The following SELENOF variants were observed in gnomAD, a reference collection of about 807,000 sequenced individuals.
SELENOF encodes selenoprotein F, also known as 15 kDa selenoprotein.
SELENOF carries 16 observed loss-of-function variants against 20.5 expected under a neutral mutation model. That is an observed-to-expected ratio of 0.78 (90% CI 0.53 to 1.19). The LOEUF is 1.19. Among genes scored for constraint, SELENOF ranks in the 50% most tolerant of loss-of-function variants. The probability of loss-of-function intolerance (pLI) is 0.00; values close to 1 mark genes in which losing one functional copy is unlikely to be tolerated. For synonymous variants in SELENOF, 78 were observed against 74.5 expected (o/e 1.05, Z -0.24); for missense variants, 215 against 194.2 (o/e 1.11, Z -0.64).
In SELENOF at chr1:86,862,532, A is replaced by G. The variant is rs1192231363; in HGVS notation, c.*942T>C. On this transcript the variant is annotated 3_prime_UTR_variant, in exon 5 of 5. Coordinates refer to ENST00000331835, the MANE Select transcript of SELENOF (RefSeq NM_004261.5). ...TATACCAATGAAAATGTGTTCATAAATGAAAAAACTTTGAAAAATAAAATC... is the reference window on the plus strand; with the variant it reads ...TATACCAATGAAAATGTGTTCATAAGTGAAAAAACTTTGAAAAATAAAATC... The G allele has an allele frequency of 1.3e-5, 2 of 152,196 alleles. No homozygotes were observed. The highest frequency in any genetic ancestry group is 4.8e-5 in the African/African-American group (2 of 41,466). The allele number at this position is 152,196 out of a possible 1,614,324, so 9.4% of individuals were successfully genotyped here. A position where few individuals can be genotyped will look rare whatever the true frequency, so the allele number is the denominator to read the frequency against.
At chr1:86,905,394 C>T (rs1659802562) in intron 1 of SELENOF, among the ~76,000 whole-genome samples, 1 of 152,096 alleles carries the variant, frequency 6.6e-6, no homozygotes. Flanking sequence ...GTTCTGTTTC[C>T]ACTTCTTCAC....
rs775466870 is a variant in SELENOF at position 86,914,063 on chromosome 1, C to G, written c.49G>C (p.Gly17Arg). ...ACAGTCGCCAACAACAACCGTAGCC[C>G]AAACGCCGGCACCAGACACCCACTC... ...GPSGCLVPAFGLRLLLATVLQ... is the reference protein window; with the variant it reads ...GPSGCLVPAFRLRLLLATVLQ... Residue 17 changes from glycine to arginine, a missense_variant, in exon 1 of 5, where the codon GGG becomes CGG. Gly to Arg is a moderately radical substitution (Grantham distance 125, BLOSUM62 -2). Coordinates refer to ENST00000331835, the MANE Select transcript of SELENOF (RefSeq NM_004261.5). 1 of 1,613,960 alleles carries G rather than the reference C, an allele frequency of 6.2e-7. No individual in the cohort carries two copies. The highest frequency in any genetic ancestry group is 1.3e-5 in the African/African-American group (1 of 75,028).
At chr1:86,879,687 C>T (rs1408134150) in intron 3 of SELENOF, among the ~76,000 whole-genome samples, 3 of 152,166 alleles carry the variant, frequency 2.0e-5, no homozygotes, top group South Asian at 2.1e-4. Context: ...AGAGAGAAAG[C>T]GTTATTACCT....
At position 86,894,839 on chromosome 1, in the gene SELENOF, A is replaced by AAAC. The variant is rs371203807; in HGVS notation, c.252+8439_252+8441dup. On this transcript the variant is annotated intron_variant, in intron 2 of 4. Transcript: ENST00000331835. ...GTGACAGAGGGAAACCCTATCTCTA[A>AAAC]AACAACAACAACAACAACAACAACA... Among the ~76,000 whole-genome samples the AAAC allele has an allele frequency of 2.7e-3, 407 of 151,956 alleles. 1 individual carries two copies. Among genetic ancestry groups the AAAC allele is most frequent in the African/African-American group, 7.2e-3 (298 of 41,414 alleles).
chr1:86,871,748 T>C (rs1456279009), intron 3 of SELENOF, among the ~76,000 whole-genome samples: 1 of 152,214 alleles, frequency 6.6e-6, no homozygotes, highest in Non-Finnish European at 1.5e-5. Flanking sequence ...TTACAAATTA[T>C]AAGCAAAATA....
At chr1:86,872,355 C>T (rs560741787) in intron 3 of SELENOF, among the ~76,000 whole-genome samples, 72 of 152,016 alleles carry the variant, frequency 4.7e-4, no homozygotes, top group African/African-American at 1.7e-3. Flanking sequence ...TTTACTCTGG[C>T]TCTTTTTTTG....
chr1:86,871,711 A>G (rs1658774171), intron 3 of SELENOF, among the ~76,000 whole-genome samples: 1 of 152,236 alleles, frequency 6.6e-6, no homozygotes, highest in Non-Finnish European at 1.5e-5. Flanking sequence ...TGGCTCATTT[A>G]TGAATGAGAA....
chr1:86,892,815 A>T (rs1659424057), intron 2 of SELENOF, among the ~76,000 whole-genome samples: 1 of 152,230 alleles, frequency 6.6e-6, no homozygotes, highest in African/African-American at 2.4e-5. Context: ...TGGTAAACTG[A>T]GAAATAAGGA....
intron 2 of SELENOF, among the ~76,000 whole-genome samples, chr1:86,894,003 T>A (rs562176175): frequency 6.6e-6 from 1 of 152,174 alleles, no homozygotes; most frequent in Non-Finnish European, 1.5e-5. Context: ...GGAAAGTAGA[T>A]CTTTAAGTGA....
chr1:86,880,802 C>G (rs578199919), intron 2 of SELENOF, 77 bp from the exon 3 acceptor site: 1 of 944,634 alleles, frequency 1.1e-6, no homozygotes, highest in Non-Finnish European at 1.6e-6. Flanking sequence ...TAAATTTTCA[C>G]AGTATAAACA....
intron 2 of SELENOF, among the ~76,000 whole-genome samples, chr1:86,899,846 G>A (rs1659639794): frequency 6.7e-6 from 1 of 148,232 alleles, no homozygotes; most frequent in African/African-American, 2.5e-5. Flanking sequence ...CGGTTGCCAG[G>A]CGGAGGGTCT....
At chr1:86,867,236 T>C (rs1570370196) in intron 4 of SELENOF, among the ~76,000 whole-genome samples, 2 of 152,010 alleles carry the variant, frequency 1.3e-5, no homozygotes, top group East Asian at 3.9e-4. Flanking sequence ...CCTGTAATAT[T>C]ACCCAGCACT....
chr1:86,904,553 T>C (rs1478413989), intron 1 of SELENOF, among the ~76,000 whole-genome samples: 1 of 152,198 alleles, frequency 6.6e-6, no homozygotes, highest in Non-Finnish European at 1.5e-5. Flanking sequence ...TCTTAACAGA[T>C]ACTTCATTTC....
chr1:86,911,129 C>T (rs906994386), intron 1 of SELENOF, among the ~76,000 whole-genome samples: 1 of 152,158 alleles, frequency 6.6e-6, no homozygotes. Context: ...AACTATGGAA[C>T]GTATCTCAGA....
chr1:86,863,165 T>C lies in SELENOF; in HGVS notation c.*309A>G, dbSNP rs925765733. 9 of 228,200 alleles carry C rather than the reference T, an allele frequency of 3.9e-5. No individual in the cohort carries two copies. The highest frequency in any genetic ancestry group is 3.3e-4 in the South Asian group (4 of 12,288). The allele number at this position is 228,200 out of a possible 1,614,324, so 14.1% of individuals were successfully genotyped here. A position where few individuals can be genotyped will look rare whatever the true frequency, so the allele number is the denominator to read the frequency against. ...TAACCTCTCTAATTTAGAAATCTGT[T>C]GTTCGTAAAACTGGACCAATTATCA... On this transcript the variant is annotated 3_prime_UTR_variant, in exon 5 of 5. Coordinates refer to ENST00000331835, the MANE Select transcript of SELENOF (RefSeq NM_004261.5).
chr1:86,903,357 C>A lies in SELENOF; in HGVS notation c.176G>T (p.Gly59Val), dbSNP rs754899274. Residue 59 changes from glycine to valine, a missense_variant, in exon 2 of 5, where the codon GGA (glycine) becomes GTA (valine). Gly to Val is a moderately radical substitution (Grantham distance 109). Coordinates refer to ENST00000331835, the MANE Select transcript of SELENOF (RefSeq NM_004261.5). ...ATCCAGCTGAAGCAGGTTGAACTGT[C>A]CGAGAAGATCACAAGAGCTGCAAAG... ...NLLCSSCDLL[G>V]QFNLLQLDPD... The A allele has an allele frequency of 2.2e-5, 36 of 1,612,178 alleles. No individual in the cohort carries two copies. In the South Asian group the frequency reaches 4.0e-4, roughly 18 times the overall value.
At chr1:86,883,576 A>T (rs2740767) in intron 2 of SELENOF, among the ~76,000 whole-genome samples, 14,119 of 152,236 alleles carry the variant, frequency 0.093, 759 homozygotes, top group Non-Finnish European at 0.12. Context: ...TTAAAAGCAT[A>T]TAAGGCCATA....
chr1:86,871,021 T>C (rs1658750715), intron 3 of SELENOF, among the ~76,000 whole-genome samples: 1 of 152,216 alleles, frequency 6.6e-6, no homozygotes, highest in Non-Finnish European at 1.5e-5. Flanking sequence ...GTTCTTTCCT[T>C]TTCTCTCTCT....
At chr1:86,865,983 C>T (rs1658578539) in intron 4 of SELENOF, among the ~76,000 whole-genome samples, 1 of 151,598 alleles carries the variant, frequency 6.6e-6, no homozygotes, top group South Asian at 2.1e-4. Context: ...TCGCCCGAGC[C>T]CAGGAATACA....
Sources: allele counts gnomAD v4.1 joint callset (sites outside exome capture counted in the v4.1 genomes callset), GRCh38; gene constraint gnomAD v4.1.1; transcripts MANE v1.5; gene names NCBI Gene and HGNC (gene_info 2026-07-23, HGNC 2026-07-21).